PTPN11: variants seen among roughly 807,000 people sequenced by gnomAD.
The protein encoded by PTPN11 is tyrosine-protein phosphatase non-receptor type 11.
A neutral mutation model predicts 78.8 loss-of-function variants in PTPN11; 6 were observed. The observed-to-expected ratio is 0.08, with a 90% CI of 0.04 to 0.15. The LOEUF is 0.15. Ranked by LOEUF, PTPN11 falls within the 10% of genes least tolerant of loss-of-function variation. The pLI is 1.00. For missense variants in PTPN11, 386 were observed against 744.8 expected (o/e 0.52, Z 5.61); for synonymous variants, 221 against 263.5 (o/e 0.84, Z 1.56).
chr12:112,461,513 G>C (rs1047454473), intron 6 of PTPN11, among the ~76,000 whole-genome samples: 1 of 151,828 alleles, frequency 6.6e-6, no homozygotes, highest in Non-Finnish European at 1.5e-5. Flanking sequence ...CTTTTGTAGA[G>C]ATGAGGTCTC....
At position 112,463,334 on chromosome 12, in the gene PTPN11, G is replaced by A. The variant is rs567674157; in HGVS notation, c.756+7271G>A. On this transcript the variant is annotated intron_variant, in intron 6 of 15. Transcript: ENST00000351677. ...AGGCTCAAATGATCCTCCTGCCTTGGCCTCCTAAAGTGTAAGCCACCACAC... is the reference window on the plus strand; with the variant it reads ...AGGCTCAAATGATCCTCCTGCCTTGACCTCCTAAAGTGTAAGCCACCACAC... 7.9e-5 allele frequency among the ~76,000 whole-genome samples: 12 copies of A among 151,974 alleles called. No individual in the cohort carries two copies. In the East Asian group the frequency reaches 2.1e-3, roughly 27 times the overall value.
chr12:112,485,032 G>T lies in PTPN11; in HGVS notation c.1225-1443G>T, dbSNP rs137856325. On this transcript the variant is annotated intron_variant, in intron 10 of 15. Transcript: ENST00000351677. ...TCCCTGCACTTTGGGAGGCTGAAGT[G>T]GGTGGATTACTTGAGGTCAGGAGTA... Among the ~76,000 whole-genome samples, 4 of 152,206 alleles carry T rather than the reference G, an allele frequency of 2.6e-5. No individual in the cohort carries two copies. In the East Asian group the frequency reaches 7.7e-4, roughly 29 times the overall value.
chr12:112,460,040 T>G (rs777761491), intron 6 of PTPN11, among the ~76,000 whole-genome samples: 5 of 152,084 alleles, frequency 3.3e-5, no homozygotes, highest in Admixed American at 6.6e-5. Context: ...CTCCACCTCC[T>G]GGGCTCAACT....
At chr12:112,489,950 C>G (rs946592555) in intron 13 of PTPN11, among the ~76,000 whole-genome samples, 1 of 152,200 alleles carries the variant, frequency 6.6e-6, no homozygotes, top group Non-Finnish European at 1.5e-5. Context: ...CCTAGCAGAA[C>G]AGCAGCCACG....
rs1257923398 is a variant in PTPN11, at chr12:112,424,871, GTGTGTGTGTGTGTGTGTGTA to G, written c.14+5766_14+5785del. On this transcript the variant is annotated intron_variant, in intron 1 of 15. Coordinates refer to ENST00000351677, the MANE Select transcript of PTPN11 (RefSeq NM_002834.5). ...CACGCCACCATGTCAGGCTAATTGT[GTGTGTGTGTGTGTGTGTGTA>G]TGTGTGTGTGTGTGTGTGTGTGTGT... Among the ~76,000 whole-genome samples, 13 of 142,236 alleles carry G rather than the reference GTGTGTGTGTGTGTGTGTGTA, an allele frequency of 9.1e-5. 1 individual carries two copies. The highest frequency in any genetic ancestry group is 3.2e-4 in the African/African-American group (12 of 37,460). 93.3% of individuals were successfully genotyped at this position (142,236 alleles called of 152,430 possible).
chr12:112,503,502 T>C (rs993151131), intron 14 of PTPN11, among the ~76,000 whole-genome samples: 3 of 152,242 alleles, frequency 2.0e-5, no homozygotes, highest in Non-Finnish European at 2.9e-5. Context: ...AACATTGAAA[T>C]GAAATTATAC....
intron 13 of PTPN11, among the ~76,000 whole-genome samples, chr12:112,490,157 G>T (rs1346513313): frequency 6.6e-6 from 1 of 152,062 alleles, no homozygotes; most frequent in African/African-American, 2.4e-5. Context: ...ATATTTAGAC[G>T]GTTACTTTAT....
Position 112,418,960 on chromosome 12 carries a change from C to T in PTPN11, c.-152C>T. ...GGGCAGCTGCACAGTCTCCGGGATC[C>T]CCAGGCCTGGAGGGGGGTCTGTGCG... On this transcript the variant is annotated 5_prime_UTR_variant, in exon 1 of 16. Coordinates refer to ENST00000351677, the MANE Select transcript of PTPN11 (RefSeq NM_002834.5). 1.1e-6 allele frequency: 1 copy of T among 916,554 alleles called. No homozygotes were observed. Among genetic ancestry groups the T allele is most frequent in the Non-Finnish European group, 1.7e-6 (1 of 598,176 alleles). 56.8% of individuals were successfully genotyped at this position (916,554 alleles called of 1,614,324 possible). A position where few individuals can be genotyped will look rare whatever the true frequency, so the allele number is the denominator to read the frequency against.
In PTPN11 at chr12:112,430,392, T is replaced by A. The variant is rs181935332; in HGVS notation, c.14+11267T>A. Among the ~76,000 whole-genome samples the A allele has an allele frequency of 3.3e-5, 5 of 152,298 alleles. No homozygotes were observed. The East Asian group carries it at 7.7e-4, about 23-fold the overall frequency. On this transcript the variant is annotated intron_variant, in intron 1 of 15. Transcript: ENST00000351677. ...TGTAAGTATGGATAAATCATCTTTT[T>A]AATTTTGTGATTCATATAGGTTTGT... is the stretch of plus-strand genomic sequence containing the variant.
rs2135906978 is a variant in PTPN11 at position 112,482,194 on chromosome 12, A to G, written c.1213A>G (p.Lys405Glu). 1 of 1,613,516 alleles carries G rather than the reference A, an allele frequency of 6.2e-7. No individual in the cohort carries two copies. ...DYTLRELKLSKVGQGNTERTV... is the reference protein window; with the variant it reads ...DYTLRELKLSEVGQGNTERTV... ...TACGCTAAGAGAACTTAAACTTTCA[A>G]AGGTTGGACAAGTAAGTATATTGTC... is the stretch of plus-strand genomic sequence containing the variant. The change falls in exon 10 of 16, where the codon AAG becomes GAG. Residue 405 changes from lysine (K) to glutamate (E), a missense_variant. By Grantham distance (56) the Lys-to-Glu change is moderately conservative (BLOSUM62 1). Transcript: ENST00000351677. The surrounding 1 kb of genome is among the most constrained non-coding windows in gnomAD (Gnocchi z 4.4).
At chr12:112,429,481 C>CT (rs1177861343) in intron 1 of PTPN11, among the ~76,000 whole-genome samples, 1,639 of 110,782 alleles carry the variant, frequency 0.015, 25 homozygotes, top group Middle Eastern at 0.022. Flanking sequence ...GTTGAAACTA[C>CT]TTTTTTTTTT....
chr12:112,477,979 G>A lies in PTPN11; in HGVS notation c.1056G>A (p.Val352=), dbSNP rs1238761384. The change falls in exon 9 of 16, where the codon GTG becomes GTA. Residue 352 remains valine (V), a synonymous_variant. Coordinates refer to ENST00000351677, the MANE Select transcript of PTPN11 (RefSeq NM_002834.5). Reference sequence around the variant, plus strand: ...TGGTGTTCCAAGAAAACTCCCGAGTGATTGTCATGACAACGAAAGAAGTGG... The same window carrying A: ...TGGTGTTCCAAGAAAACTCCCGAGTAATTGTCATGACAACGAAAGAAGTGG... The part of the protein sequence containing the change: ...WRMVFQENSR[V]IVMTTKEVER... 6.2e-7 allele frequency: 1 copy of A among 1,614,140 alleles called. No homozygotes were observed.
At chr12:112,493,515 A>G (rs1271990762) in intron 13 of PTPN11, among the ~76,000 whole-genome samples, 2 of 151,288 alleles carry the variant, frequency 1.3e-5, no homozygotes, top group Non-Finnish European at 2.9e-5. Context: ...CAGCCTCCCA[A>G]GTAGCTGAGA....
chr12:112,457,945 G>T (rs912621241), intron 6 of PTPN11, among the ~76,000 whole-genome samples: 1 of 152,168 alleles, frequency 6.6e-6, no homozygotes, highest in Non-Finnish European at 1.5e-5. Context: ...TGTTGAATGA[G>T]ATTTACATTT....
chr12:112,486,516 C>G lies in PTPN11; in HGVS notation c.1266C>G (p.Thr422=), dbSNP rs759848374. 1.4e-5 allele frequency: 23 copies of G among 1,614,194 alleles called. No homozygotes were observed. In the Admixed American group the frequency reaches 1.7e-4, roughly 12 times the overall value. Residue 422 remains threonine (T), a synonymous_variant, in exon 11 of 16, where the codon ACC becomes ACG. Transcript: ENST00000351677. The part of the protein sequence containing the change: ...ERTVWQYHFR[T]WPDHGVPSDP... ...CGGTCTGGCAATACCACTTTCGGACCTGGCCGGACCACGGCGTGCCCAGCG... is the reference window on the plus strand; with the variant it reads ...CGGTCTGGCAATACCACTTTCGGACGTGGCCGGACCACGGCGTGCCCAGCG...
chr12:112,463,531 A>G (rs2038280663), intron 6 of PTPN11, among the ~76,000 whole-genome samples: 1 of 152,230 alleles, frequency 6.6e-6, no homozygotes, highest in African/African-American at 2.4e-5. Context: ...TGGGGTCAAG[A>G]TGTGAGTTTA....
chr12:112,426,883 C>T (rs2037624040), intron 1 of PTPN11, among the ~76,000 whole-genome samples: 1 of 151,968 alleles, frequency 6.6e-6, no homozygotes, highest in Admixed American at 6.6e-5. Flanking sequence ...CCTATCCTCC[C>T]TCCTTGGCCT....
chr12:112,484,641 C>T, intron 10 of PTPN11, among the ~76,000 whole-genome samples: 1 of 152,208 alleles, frequency 6.6e-6, no homozygotes, highest in Non-Finnish European at 1.5e-5. Context: ...AGAGAGGGTC[C>T]AGTCCTTCTG....
chr12:112,445,216 C>T (rs2037974027), intron 1 of PTPN11, among the ~76,000 whole-genome samples: 1 of 152,140 alleles, frequency 6.6e-6, no homozygotes, highest in Admixed American at 6.6e-5. Context: ...ACTGCAACCT[C>T]TGCCTCCTGG....
Sources: gnomAD v4.1 joint callset for allele counts (sites outside exome capture counted in the v4.1 genomes callset) on GRCh38, gnomAD v4.1.1 for gene constraint, Gnocchi (gnomAD v3.1) non-coding constraint, MANE v1.5 for transcripts, NCBI Gene and HGNC (gene_info 2026-07-23, HGNC 2026-07-21) for gene names.